ASIC2: variants seen among roughly 807,000 people sequenced by gnomAD.
ASIC2 encodes acid-sensing ion channel 2.
A neutral mutation model predicts 57.3 loss-of-function variants in ASIC2; 25 were observed. The observed-to-expected ratio is 0.44, with a 90% CI of 0.32 to 0.61. The LOEUF is 0.61. ASIC2 is among the 20% of genes least tolerant of loss of function. The pLI is 0.06. For synonymous variants in ASIC2, 319 were observed against 307.5 expected (o/e 1.04, Z -0.39); for missense variants, 641 against 738.1 (o/e 0.87, Z 1.52).
At chr17:33,797,740 G>C (rs1911961758) in intron 1 of ASIC2, among the ~76,000 whole-genome samples, 1 of 152,220 alleles carries the variant, frequency 6.6e-6, no homozygotes, top group Non-Finnish European at 1.5e-5. Flanking sequence ...TCTGCAGACA[G>C]AAGGCTGTTT....
At chr17:33,800,332 C>T (rs1912095996) in intron 1 of ASIC2, among the ~76,000 whole-genome samples, 1 of 152,122 alleles carries the variant, frequency 6.6e-6, no homozygotes, top group African/African-American at 2.4e-5. Flanking sequence ...TCAGTCACAC[C>T]TTCAGGAGGG....
intron 1 of ASIC2, among the ~76,000 whole-genome samples, chr17:33,636,806 A>C (rs573864177): frequency 1.3e-5 from 2 of 152,072 alleles, no homozygotes; most frequent in East Asian, 3.9e-4. Flanking sequence ...ACAACCTACA[A>C]CTACTCAAAC....
intron 1 of ASIC2, among the ~76,000 whole-genome samples, chr17:33,592,284 T>G (rs1193648600): frequency 1.3e-5 from 2 of 152,266 alleles, no homozygotes; most frequent in Non-Finnish European, 2.9e-5. Context: ...CATTCTGCCC[T>G]ATTCTGACAA....
Position 33,292,932 on chromosome 17 carries a change from C to T in ASIC2, c.-817G>A, listed in dbSNP as rs1905562972. The T allele has an allele frequency of 1.0e-6, 1 of 985,418 alleles. No homozygotes were observed. Among genetic ancestry groups the T allele is most frequent in the African/African-American group, 1.7e-5 (1 of 57,262 alleles). 61.0% of individuals were successfully genotyped at this position (985,418 alleles called of 1,614,324 possible). A position where few individuals can be genotyped will look rare whatever the true frequency, so the allele number is the denominator to read the frequency against. ...GCGGGAGGCTGTTCGCCGCCGGGGT[C>T]CTTCAAGGATGCTAGCCGCAGGGAA... On this transcript the variant is annotated 5_prime_UTR_variant, in exon 1 of 10. Transcript: ENST00000225823.
intron 1 of ASIC2, among the ~76,000 whole-genome samples, chr17:33,671,269 G>T (rs1023915837): frequency 7.2e-5 from 11 of 152,212 alleles, no homozygotes; most frequent in Middle Eastern, 3.4e-3. Flanking sequence ...ACATGCATGT[G>T]CACACATGTA....
intron 1 of ASIC2, among the ~76,000 whole-genome samples, chr17:33,706,209 ATATAT>A (rs1241147625): frequency 3.2e-5 from 2 of 63,432 alleles, no homozygotes; most frequent in African/African-American, 2.9e-4. Flanking sequence ...TGATTCATAT[ATATAT>A]ATATATATAT....
chr17:33,042,936 T>C (rs2091935409), intron 3 of ASIC2, among the ~76,000 whole-genome samples: 1 of 152,032 alleles, frequency 6.6e-6, no homozygotes, highest in Non-Finnish European at 1.5e-5. Context: ...CTGTTTTGTT[T>C]TTTTTTTTTG....
intron 1 of ASIC2, among the ~76,000 whole-genome samples, chr17:33,478,763 A>T (rs1913310326): frequency 6.6e-6 from 1 of 152,206 alleles, no homozygotes; most frequent in Admixed American, 6.5e-5. Context: ...GATTTGCCCA[A>T]GGTTCTGCAA....
At chr17:33,823,735 G>C (rs1303907075) in intron 1 of ASIC2, among the ~76,000 whole-genome samples, 2 of 152,222 alleles carry the variant, frequency 1.3e-5, no homozygotes, top group Admixed American at 1.3e-4. Context: ...ATAGAAGGCA[G>C]ATCTGGGTAC....
At chr17:33,777,711 G>T (rs1319976299) in intron 1 of ASIC2, among the ~76,000 whole-genome samples, 2 of 152,278 alleles carry the variant, frequency 1.3e-5, no homozygotes, top group East Asian at 3.9e-4. Context: ...GAATGTCCAG[G>T]TTAATTATAA....
intron 1 of ASIC2, among the ~76,000 whole-genome samples, chr17:33,409,001 C>T (rs554426697): frequency 6.6e-6 from 1 of 152,284 alleles, no homozygotes; most frequent in Non-Finnish European, 1.5e-5. Context: ...ATCGTTTGAG[C>T]TCAGGAGTTC....
At chr17:33,532,526 G>C (rs1489363184) in intron 1 of ASIC2, among the ~76,000 whole-genome samples, 1 of 152,152 alleles carries the variant, frequency 6.6e-6, no homozygotes, top group Non-Finnish European at 1.5e-5. Flanking sequence ...CTCACCCACT[G>C]ACTCTTGGGA....
At chr17:33,450,015 G>A (rs1215225837) in intron 1 of ASIC2, among the ~76,000 whole-genome samples, 1 of 152,122 alleles carries the variant, frequency 6.6e-6, no homozygotes, top group Admixed American at 6.6e-5. Context: ...TGATCCTCCT[G>A]CCTCAGCCTC....
At chr17:34,115,478 TGCTGAGTATGGAG>T in intron 1 of ASIC2, among the ~76,000 whole-genome samples, 1 of 152,274 alleles carries the variant, frequency 6.6e-6, no homozygotes, top group East Asian at 1.9e-4. Flanking sequence ...TAGACCTTAG[TGCTGAGTATGGAG>T]GACAGTGGAT....
intron 1 of ASIC2, among the ~76,000 whole-genome samples, chr17:33,700,858 C>A (rs996814178): frequency 6.6e-6 from 1 of 152,140 alleles, no homozygotes; most frequent in African/African-American, 2.4e-5. Context: ...TCCTTGGTCC[C>A]ATCCTGACTA....
At chr17:34,040,555 GA>G (rs1908092186) in intron 1 of ASIC2, among the ~76,000 whole-genome samples, 1 of 152,184 alleles carries the variant, frequency 6.6e-6, no homozygotes, top group Non-Finnish European at 1.5e-5. Context: ...TACAGAGGCA[GA>G]AAGTAAGGGT....
intron 1 of ASIC2, among the ~76,000 whole-genome samples, chr17:33,439,527 C>T (rs1326826505): frequency 6.6e-6 from 1 of 152,108 alleles, no homozygotes; most frequent in Non-Finnish European, 1.5e-5. Context: ...AAATTACCCC[C>T]CTCTATTCCC....
At chr17:33,475,697 C>G (rs1271856714) in intron 1 of ASIC2, among the ~76,000 whole-genome samples, 1 of 152,190 alleles carries the variant, frequency 6.6e-6, no homozygotes, top group African/African-American at 2.4e-5. Context: ...CAGCTCCTCA[C>G]TTTTTCAGTG....
intron 1 of ASIC2, among the ~76,000 whole-genome samples, chr17:33,414,080 G>A (rs949292026): frequency 8.5e-5 from 13 of 152,076 alleles, no homozygotes; most frequent in Non-Finnish European, 1.8e-4. Flanking sequence ...TCTTGTTCCC[G>A]CAGCAGCCCA....
Sources: gnomAD v4.1 joint callset for allele counts (sites outside exome capture counted in the v4.1 genomes callset) on GRCh38, gnomAD v4.1.1 for gene constraint, MANE v1.5 for transcripts, NCBI Gene and HGNC (gene_info 2026-07-23, HGNC 2026-07-21) for gene names.